The following ANKS6 variants were observed in gnomAD, a reference collection of about 807,000 sequenced individuals.
ANKS6 encodes ankyrin repeat and SAM domain-containing protein 6.
Under a neutral mutation model 77.9 loss-of-function variants are expected in ANKS6, and 47 were observed. The ratio of observed to expected loss-of-function variants is 0.60; its 90% confidence interval spans 0.48 to 0.77. The LOEUF (loss-of-function observed/expected upper bound fraction) is 0.77. Among genes scored for constraint, ANKS6 ranks in the 30% least tolerant of loss-of-function variants. The probability of loss-of-function intolerance (pLI) is 0.00; values close to 1 mark genes in which losing one functional copy is unlikely to be tolerated. For synonymous variants in ANKS6, 488 were observed against 501.7 expected (o/e 0.97, Z 0.37); for missense variants, 1,150 against 1,159.1 (o/e 0.99, Z 0.11).
intron 8 of ANKS6, among the ~76,000 whole-genome samples, chr9:98,776,133 G>C (rs1177931097): frequency 1.3e-5 from 2 of 152,174 alleles, no homozygotes; most frequent in African/African-American, 4.8e-5. Context: ...CCCAGAGAGG[G>C]GAGGTAACAC....
intron 14 of ANKS6, among the ~76,000 whole-genome samples, chr9:98,739,159 T>C (rs1036049318): frequency 1.3e-5 from 2 of 149,746 alleles, no homozygotes; most frequent in African/African-American, 4.9e-5. Context: ...AGACTACATA[T>C]AGGGGGCAGT....
chr9:98,737,814 C>T lies in ANKS6; in HGVS notation c.2512-1191G>A, dbSNP rs375997287. 2.0e-4 allele frequency among the ~76,000 whole-genome samples: 30 copies of T among 152,278 alleles called. 1 individual carries two copies. Among genetic ancestry groups the T allele is most frequent in the African/African-American group, 6.3e-4 (26 of 41,568 alleles). ...AAAAAGAACAAATGTGGAGGCATCA[C>T]GTTACCTGATTTCAAACTATACTAT... is the stretch of plus-strand genomic sequence containing the variant. On this transcript the variant is annotated intron_variant, in intron 14 of 14. Transcript: ENST00000353234.
chr9:98,789,994 G>A, intron 2 of ANKS6, 110 bp downstream of exon 2: 4 of 1,433,186 alleles, frequency 2.8e-6, no homozygotes, highest in Non-Finnish European at 9.3e-7. Context: ...GTGGTCTGCA[G>A]GGCTGGACTC....
intron 1 of ANKS6, among the ~76,000 whole-genome samples, chr9:98,793,958 T>C (rs1392950681): frequency 6.8e-6 from 1 of 148,140 alleles, no homozygotes; most frequent in Non-Finnish European, 1.5e-5. Flanking sequence ...GAGACCAGCC[T>C]GGCCAACACA....
At chr9:98,747,213 TCTTTCACTTTATAAGAAGG>T (rs1200841732) in intron 13 of ANKS6, among the ~76,000 whole-genome samples, 1 of 152,250 alleles carries the variant, frequency 6.6e-6, no homozygotes, top group Non-Finnish European at 1.5e-5. Context: ...AAATCCTTAG[TCTTTCACTTTATAAGAAGG>T]CTTTATTTTA....
At chr9:98,744,858 T>G (rs919622302) in intron 14 of ANKS6, among the ~76,000 whole-genome samples, 1 of 150,864 alleles carries the variant, frequency 6.6e-6, no homozygotes, top group Non-Finnish European at 1.5e-5. Context: ...TGCGCATTGT[T>G]GCTGGAAAAA....
chr9:98,743,139 C>T (rs1480330580), intron 14 of ANKS6, among the ~76,000 whole-genome samples: 1 of 152,170 alleles, frequency 6.6e-6, no homozygotes, highest in East Asian at 1.9e-4. Context: ...GCCTCCAGAA[C>T]CTTTTCCGTC....
intron 11 of ANKS6, among the ~76,000 whole-genome samples, chr9:98,765,431 C>A (rs1466324668): frequency 6.6e-6 from 1 of 152,190 alleles, no homozygotes; most frequent in African/African-American, 2.4e-5. Context: ...CTTGCTTAAA[C>A]AACCTGATTG....
chr9:98,782,468 G>C lies in ANKS6; in HGVS notation c.1218C>G (p.Pro406=). The C allele has an allele frequency of 6.2e-7, 1 of 1,613,266 alleles. No individual in the cohort carries two copies. The highest frequency in any genetic ancestry group is 8.5e-7 in the Non-Finnish European group (1 of 1,179,296). ...AFDLVMLLND[P]DTELVRLLAS... ...AACCCTTTTCTTGAAATTACCTACC[G>C]GGATCATTCAGCAGCATCACCAGGT... Residue 406 remains proline, a splice_region_variant and synonymous_variant, in exon 5 of 15, where the codon CCC becomes CCG. Coordinates refer to ENST00000353234, the MANE Select transcript of ANKS6 (RefSeq NM_173551.5).
At chr9:98,785,616 T>C (rs976248764) in intron 2 of ANKS6, among the ~76,000 whole-genome samples, 2 of 152,140 alleles carry the variant, frequency 1.3e-5, no homozygotes, top group South Asian at 2.1e-4. Flanking sequence ...AGGTACCCCA[T>C]TCCTGTCAGA....
chr9:98,771,251 A>G (rs1323508763), intron 9 of ANKS6, among the ~76,000 whole-genome samples: 1 of 152,224 alleles, frequency 6.6e-6, no homozygotes, highest in Non-Finnish European at 1.5e-5. Context: ...CCATTAGCTC[A>G]GTGAATCCAT....
At chr9:98,745,347 G>A (rs1374132063) in intron 14 of ANKS6, among the ~76,000 whole-genome samples, 1 of 152,238 alleles carries the variant, frequency 6.6e-6, no homozygotes. Flanking sequence ...GCCACACCTA[G>A]CCCTGTGCAT....
At chr9:98,783,762 A>G (rs989412492) in intron 4 of ANKS6, 191 bp downstream of exon 4, 27 of 444,792 alleles carry the variant, frequency 6.1e-5, no homozygotes, top group African/African-American at 4.9e-4. Flanking sequence ...GGAACAGGAA[A>G]TCTGGACACA....
chr9:98,784,981 T>C, intron 2 of ANKS6, 105 bp from the exon 3 acceptor site: 1 of 1,007,934 alleles, frequency 9.9e-7, no homozygotes, highest in Non-Finnish European at 1.5e-6. Flanking sequence ...CATCTAATTC[T>C]CAAAAGCAAT....
chr9:98,776,826 T>C (rs1588392438), intron 8 of ANKS6, among the ~76,000 whole-genome samples: 1 of 152,042 alleles, frequency 6.6e-6, no homozygotes, highest in Non-Finnish European at 1.5e-5. Flanking sequence ...AACCAAGAGG[T>C]GACCTGAGAA....
intron 8 of ANKS6, among the ~76,000 whole-genome samples, chr9:98,776,252 G>T (rs1220552898): frequency 6.6e-6 from 1 of 152,096 alleles, no homozygotes; most frequent in Non-Finnish European, 1.5e-5. Context: ...CGAAGTCAGA[G>T]ACTGCAAACT....
chr9:98,790,952 T>C (rs1219320013), intron 1 of ANKS6, among the ~76,000 whole-genome samples: 1 of 152,248 alleles, frequency 6.6e-6, no homozygotes, highest in African/African-American at 2.4e-5. Flanking sequence ...GTAAAGCACC[T>C]GGCTCTGTGC....
chr9:98,755,128 G>A (rs1369690475), intron 12 of ANKS6, among the ~76,000 whole-genome samples: 1 of 152,174 alleles, frequency 6.6e-6, no homozygotes, highest in African/African-American at 2.4e-5. Flanking sequence ...CCCCAAATAA[G>A]GAGGACACCA....
rs1331195302 is a variant in ANKS6 at position 98,796,530 on chromosome 9, C to G, written c.-39G>C. 1.9e-5 allele frequency: 19 copies of G among 975,466 alleles called. No homozygotes were observed. Among genetic ancestry groups the G allele is most frequent in the Non-Finnish European group, 2.3e-5 (19 of 822,148 alleles). The allele number at this position is 975,466 out of a possible 1,614,324, so 60.4% of individuals were successfully genotyped here. ...CGCGGCCCGCTCCCGTCCGCCCCGC[C>G]GGCCGCGTCGGCTCCGCCCCCGGAT... On this transcript the variant is annotated 5_prime_UTR_variant, in exon 1 of 15. Transcript: ENST00000353234.
Sources: allele counts gnomAD v4.1 joint callset (sites outside exome capture counted in the v4.1 genomes callset), GRCh38; gene constraint gnomAD v4.1.1; transcripts MANE v1.5; gene names NCBI Gene and HGNC (gene_info 2026-07-23, HGNC 2026-07-21).